SUN3: variants seen among roughly 807,000 people sequenced by gnomAD.
SUN3 encodes the protein SUN domain-containing protein 3.
In SUN3, 36 loss-of-function variants were observed where a neutral mutation model predicts 48.2. The ratio of observed to expected loss-of-function variants is 0.75; its 90% CI spans 0.57 to 0.99. The LOEUF is 0.99. Among genes scored for constraint, SUN3 ranks in the 50% least tolerant of loss-of-function variants. The pLI is 0.00. For synonymous variants in SUN3, 148 were observed against 147.9 expected (o/e 1.00, Z 0.00); for missense variants, 419 against 433.1 (o/e 0.97, Z 0.29).
At chr7:47,997,356 C>G (rs1183034739) in intron 6 of SUN3, among the ~76,000 whole-genome samples, 2 of 152,046 alleles carry the variant, frequency 1.3e-5, no homozygotes, top group Admixed American at 1.3e-4. Flanking sequence ...CCTATGTGTA[C>G]TTCGTTTTTG....
At chr7:47,988,440 CA>C (rs1252672718) in intron 9 of SUN3, among the ~76,000 whole-genome samples, 1 of 152,062 alleles carries the variant, frequency 6.6e-6, no homozygotes, top group Non-Finnish European at 1.5e-5. Flanking sequence ...CATATTGTAC[CA>C]TCATCTTCCT....
chr7:48,013,449 A>G (rs1777760171), intron 3 of SUN3, among the ~76,000 whole-genome samples: 1 of 152,216 alleles, frequency 6.6e-6, no homozygotes, highest in Non-Finnish European at 1.5e-5. Context: ...ATATCAAATC[A>G]TTGGGATTCA....
chr7:47,990,184 C>A (rs375781336), intron 8 of SUN3, among the ~76,000 whole-genome samples: 1 of 152,020 alleles, frequency 6.6e-6, no homozygotes. Flanking sequence ...CGTCCCTGGG[C>A]AATGGAATGT....
intron 2 of SUN3, among the ~76,000 whole-genome samples, chr7:48,020,949 A>G (rs1272161047): frequency 6.6e-6 from 1 of 152,214 alleles, no homozygotes; most frequent in Non-Finnish European, 1.5e-5. Flanking sequence ...ATATGGAACC[A>G]CAAAAGACCC....
At chr7:48,001,522 GTTTTTTTTGTTTTT>G (rs1417471277) in intron 6 of SUN3, among the ~76,000 whole-genome samples, 1 of 121,888 alleles carries the variant, frequency 8.2e-6, no homozygotes, top group Non-Finnish European at 1.7e-5. Flanking sequence ...TGTCTTTTCT[GTTTTTTTTGTTTTT>G]TTTTTTTTTT....
intron 8 of SUN3, among the ~76,000 whole-genome samples, chr7:47,992,130 C>T (rs1789082651): frequency 6.6e-6 from 1 of 152,182 alleles, no homozygotes; most frequent in East Asian, 1.9e-4. Context: ...ATGGCCCGAC[C>T]AGATGATTCC....
chr7:48,010,266 C>G (rs984518306), intron 3 of SUN3, among the ~76,000 whole-genome samples: 2 of 152,112 alleles, frequency 1.3e-5, no homozygotes, highest in African/African-American at 4.8e-5. Flanking sequence ...AAAGAGAGCA[C>G]CTTGGGGCAC....
intron 6 of SUN3, among the ~76,000 whole-genome samples, chr7:47,996,745 C>A (rs1208809848): frequency 6.6e-6 from 1 of 151,476 alleles, no homozygotes; most frequent in East Asian, 1.9e-4. Context: ...CACACCACAA[C>A]ACTAAAAATA....
At chr7:48,026,784 A>C (rs973244442) in intron 1 of SUN3, among the ~76,000 whole-genome samples, 2 of 152,166 alleles carry the variant, frequency 1.3e-5, no homozygotes, top group Non-Finnish European at 2.9e-5. Flanking sequence ...AGTCAGAAGA[A>C]AGGTCACATG....
intron 2 of SUN3, 45 bp from the exon 3 acceptor site, chr7:48,017,410 A>G (rs1439800042): frequency 1.8e-6 from 2 of 1,086,716 alleles, no homozygotes; most frequent in Non-Finnish European, 2.8e-6. Flanking sequence ...TTCTCTGGAA[A>G]CATAAAATAT....
intron 1 of SUN3, among the ~76,000 whole-genome samples, chr7:48,027,837 T>C (rs1327530614): frequency 1.3e-5 from 2 of 152,206 alleles, no homozygotes; most frequent in Admixed American, 6.5e-5. Flanking sequence ...TTATTGGAGA[T>C]GTGGAGAGTG....
intron 3 of SUN3, among the ~76,000 whole-genome samples, chr7:48,015,098 C>T (rs1789775297): frequency 6.6e-6 from 1 of 152,180 alleles, no homozygotes; most frequent in Non-Finnish European, 1.5e-5. Context: ...GCCAAAGTGA[C>T]ACACAAAATT....
At chr7:48,017,122 T>G in intron 3 of SUN3, 140 bp downstream of exon 3, 1 of 591,108 alleles carries the variant, frequency 1.7e-6, no homozygotes, top group Admixed American at 3.3e-5. Flanking sequence ...CAGAAACCAC[T>G]TAATAGAATT....
intron 7 of SUN3, among the ~76,000 whole-genome samples, chr7:47,995,455 A>T (rs1232095825): frequency 6.6e-5 from 10 of 152,168 alleles, no homozygotes; most frequent in Admixed American, 5.2e-4. Flanking sequence ...GAATAAGATC[A>T]GTGGGTTTTA....
chr7:47,991,834 C>T (rs1285367263), intron 8 of SUN3, among the ~76,000 whole-genome samples: 1 of 152,080 alleles, frequency 6.6e-6, no homozygotes, highest in African/African-American at 2.4e-5. Flanking sequence ...CCCAAATCTG[C>T]GGCTTAGCTA....
At chr7:48,016,672 C>A (rs1453358390) in intron 3 of SUN3, among the ~76,000 whole-genome samples, 1 of 152,170 alleles carries the variant, frequency 6.6e-6, no homozygotes, top group Non-Finnish European at 1.5e-5. Context: ...GGTTTATTTG[C>A]CATTTTATTT....
intron 3 of SUN3, among the ~76,000 whole-genome samples, chr7:48,015,351 T>A (rs1179368418): frequency 6.6e-6 from 1 of 152,192 alleles, no homozygotes; most frequent in African/African-American, 2.4e-5. Context: ...ATTCTCAGCA[T>A]ATGCAGACTG....
chr7:48,009,209 C>T (rs1335744665), intron 3 of SUN3, 134 bp from the exon 4 acceptor site: 3 of 780,478 alleles, frequency 3.8e-6, no homozygotes, highest in Non-Finnish European at 4.0e-6. Context: ...AACTCAGGAG[C>T]GTCCTCTGAG....
At chr7:48,027,348 G>A (rs1023030143) in intron 1 of SUN3, among the ~76,000 whole-genome samples, 4 of 152,292 alleles carry the variant, frequency 2.6e-5, no homozygotes, top group African/African-American at 7.2e-5. Flanking sequence ...AGACAAGTAT[G>A]TATTTCATTT....
Sources: allele counts gnomAD v4.1 joint callset (sites outside exome capture counted in the v4.1 genomes callset), GRCh38; gene constraint gnomAD v4.1.1; transcripts MANE v1.5; gene names NCBI Gene and HGNC (gene_info 2026-07-23, HGNC 2026-07-21).